Variants in PPFIA2 observed in about 807,000 individuals in gnomAD.
The protein encoded by PPFIA2 is liprin-alpha-2.
Under a neutral mutation model 175.5 loss-of-function variants are expected in PPFIA2, and 46 were observed. The ratio of observed to expected loss-of-function variants is 0.26; its 90% CI spans 0.21 to 0.34. The LOEUF (loss-of-function observed/expected upper bound fraction) is 0.34. Ranked by LOEUF, PPFIA2 falls within the 10% of genes least tolerant of loss-of-function variation. PPFIA2 has a pLI of 1.00. For missense variants in PPFIA2, 1,179 were observed against 1,506.1 expected, an observed-to-expected ratio of 0.78 and a Z score of 3.60; for synonymous variants, 568 against 511.4, an observed-to-expected ratio of 1.11 and a Z score of -1.49.
At chr12:81,575,783 G>A (rs1302848120) in intron 4 of PPFIA2, among the ~76,000 whole-genome samples, 1 of 151,662 alleles carries the variant, frequency 6.6e-6, no homozygotes, top group East Asian at 1.9e-4. Context: ...CACGAAATAA[G>A]AGTGACAGAA....
chr12:81,649,202 A>G (rs1249309784), intron 4 of PPFIA2, among the ~76,000 whole-genome samples: 1 of 152,180 alleles, frequency 6.6e-6, no homozygotes, highest in Non-Finnish European at 1.5e-5. Context: ...TATAAAACAC[A>G]TATCTGATAA....
intron 4 of PPFIA2, among the ~76,000 whole-genome samples, chr12:81,624,832 G>T (rs2153486512): frequency 6.6e-6 from 1 of 150,772 alleles, no homozygotes; most frequent in South Asian, 2.1e-4. Context: ...AGAAGGGGGA[G>T]GGTGGAGGGT....
chr12:81,626,026 T>A (rs2153488329), intron 4 of PPFIA2, among the ~76,000 whole-genome samples: 1 of 151,790 alleles, frequency 6.6e-6, no homozygotes, highest in East Asian at 1.9e-4. Context: ...CTCTACTAAG[T>A]TGACAGAAAT....
intron 4 of PPFIA2, among the ~76,000 whole-genome samples, chr12:81,638,645 C>T (rs1595876743): frequency 7.0e-6 from 1 of 143,462 alleles, no homozygotes; most frequent in East Asian, 2.0e-4. Context: ...AAAATAGAGA[C>T]TGTAATTTCA....
intron 9 of PPFIA2, among the ~76,000 whole-genome samples, chr12:81,376,927 TAAAC>T (rs906290131): frequency 2.0e-5 from 3 of 152,208 alleles, no homozygotes; most frequent in African/African-American, 2.4e-5. Context: ...AATAATCAGA[TAAAC>T]AGACAGCCTT....
chr12:81,660,795 G>C (rs1458480001), intron 4 of PPFIA2, among the ~76,000 whole-genome samples: 2 of 152,198 alleles, frequency 1.3e-5, no homozygotes, highest in African/African-American at 2.4e-5. Context: ...TGCAGCCAGA[G>C]AGAAAGGTCG....
chr12:81,271,294 C>G (rs2400896), intron 28 of PPFIA2, among the ~76,000 whole-genome samples: 104,915 of 151,972 alleles, frequency 0.69, 36,689 homozygotes, highest in Non-Finnish European at 0.76. Context: ...TTTTGAGACT[C>G]AGTCTCACTC....
At chr12:81,426,131 G>A (rs1467775615) in intron 7 of PPFIA2, among the ~76,000 whole-genome samples, 1 of 152,182 alleles carries the variant, frequency 6.6e-6, no homozygotes, top group Non-Finnish European at 1.5e-5. Flanking sequence ...TCAAAGCTGT[G>A]ATGAATCAAA....
intron 4 of PPFIA2, among the ~76,000 whole-genome samples, chr12:81,567,343 C>T (rs1352076433): frequency 6.6e-6 from 1 of 152,184 alleles, no homozygotes. Flanking sequence ...TCCACTGCGC[C>T]CGGCCAGGAG....
At chr12:81,524,552 T>C (rs969117437) in intron 4 of PPFIA2, among the ~76,000 whole-genome samples, 1 of 152,222 alleles carries the variant, frequency 6.6e-6, no homozygotes, top group African/African-American at 2.4e-5. Context: ...TGGAAGCACA[T>C]AATTTGTTTT....
intron 4 of PPFIA2, among the ~76,000 whole-genome samples, chr12:81,640,638 T>C (rs1220635592): frequency 6.6e-6 from 1 of 152,120 alleles, no homozygotes; most frequent in Non-Finnish European, 1.5e-5. Context: ...GACAGTACAA[T>C]TAAACTTTGT....
At chr12:81,623,632 T>C (rs976964781) in intron 4 of PPFIA2, among the ~76,000 whole-genome samples, 5 of 152,026 alleles carry the variant, frequency 3.3e-5, no homozygotes, top group African/African-American at 1.2e-4. Context: ...GATTGTATCC[T>C]TATAGTTGTG....
At chr12:81,300,874 T>A (rs867922152) in intron 22 of PPFIA2, among the ~76,000 whole-genome samples, 1 of 152,178 alleles carries the variant, frequency 6.6e-6, no homozygotes, top group Non-Finnish European at 1.5e-5. Context: ...GAACACCTGT[T>A]GTGGACTGAG....
At chr12:81,549,208 C>G (rs960303467) in intron 4 of PPFIA2, among the ~76,000 whole-genome samples, 3 of 151,910 alleles carry the variant, frequency 2.0e-5, no homozygotes, top group Non-Finnish European at 4.4e-5. Flanking sequence ...TCTAGCTTTG[C>G]TGCTATCTTC....
chr12:81,556,060 C>T (rs985130439), intron 4 of PPFIA2, among the ~76,000 whole-genome samples: 3 of 151,912 alleles, frequency 2.0e-5, no homozygotes, highest in East Asian at 3.9e-4. Context: ...TGGTCTGTAA[C>T]TAGCCATGAT....
At chr12:81,620,565 G>A (rs542997095) in intron 4 of PPFIA2, among the ~76,000 whole-genome samples, 9 of 152,282 alleles carry the variant, frequency 5.9e-5, no homozygotes, top group Non-Finnish European at 2.9e-5. Flanking sequence ...CTAACGAACC[G>A]TATGAACTTA....
At chr12:81,445,269 T>C (rs1242654274) in intron 6 of PPFIA2, among the ~76,000 whole-genome samples, 1 of 148,422 alleles carries the variant, frequency 6.7e-6, no homozygotes, top group Non-Finnish European at 1.5e-5. Context: ...TATTAAATGA[T>C]ATAACATTTT....
chr12:81,683,926 G>A (rs1286612106), intron 3 of PPFIA2, among the ~76,000 whole-genome samples: 2 of 152,064 alleles, frequency 1.3e-5, no homozygotes, highest in East Asian at 3.9e-4. Context: ...GAGTGAGGAG[G>A]TGCCAGGCTC....
At chr12:81,465,320 T>G (rs1418592916) in intron 4 of PPFIA2, 1 of 152,000 alleles carries the variant, frequency 6.6e-6, no homozygotes, top group Non-Finnish European at 1.5e-5. Flanking sequence ...AAATGGTGAG[T>G]TGGAATTCAG....
Sources: gnomAD v4.1 joint callset for allele counts (sites outside exome capture counted in the v4.1 genomes callset) on GRCh38, gnomAD v4.1.1 for gene constraint, MANE v1.5 for transcripts, NCBI Gene and HGNC (gene_info 2026-07-23, HGNC 2026-07-21) for gene names.